The following VAMP7 variants were observed in gnomAD, a reference collection of about 807,000 sequenced individuals.
The protein encoded by VAMP7 is vesicle-associated membrane protein 7.
VAMP7 carries 14 observed loss-of-function variants against 29.6 expected under a neutral mutation model. That is an observed-to-expected ratio of 0.47 (90% CI 0.31 to 0.74). VAMP7 has a LOEUF of 0.74. Among genes scored for constraint, VAMP7 ranks in the 30% least tolerant of loss-of-function variants. The pLI is 0.05. For synonymous variants in VAMP7, 95 were observed against 88.1 expected, an observed-to-expected ratio of 1.08 and a Z score of -0.44; for missense variants, 223 against 262.4, an observed-to-expected ratio of 0.85 and a Z score of 1.04.
chrX:155,895,141 T>A (rs1002084705), intron 2 of VAMP7, among the ~76,000 whole-genome samples: 1 of 152,182 alleles, frequency 6.6e-6, no homozygotes, highest in African/African-American at 2.4e-5. Context: ...CTATGAAGAC[T>A]GGGACTTGGT....
intron 1 of VAMP7, among the ~76,000 whole-genome samples, chrX:155,883,519 C>G (rs2065828613): frequency 6.6e-6 from 1 of 152,088 alleles, no homozygotes; most frequent in African/African-American, 2.4e-5. Context: ...TGAACTCTTG[C>G]AAGAATTAAT....
chrX:155,908,566 G>C (rs1489530213), intron 5 of VAMP7, among the ~76,000 whole-genome samples: 2 of 150,374 alleles, frequency 1.3e-5, no homozygotes, highest in African/African-American at 2.5e-5. Flanking sequence ...GAGAGTGAGA[G>C]GGGGAGGGGG....
At chrX:155,885,391 G>A (rs977858396) in intron 1 of VAMP7, among the ~76,000 whole-genome samples, 1 of 152,076 alleles carries the variant, frequency 6.6e-6, no homozygotes, top group Admixed American at 6.5e-5. Context: ...ATTTATTTGG[G>A]ATGAACAGTG....
chrX:155,916,214 A>C (rs774794543), intron 5 of VAMP7, among the ~76,000 whole-genome samples: 11 of 152,190 alleles, frequency 7.2e-5, no homozygotes, highest in African/African-American at 2.6e-4. Context: ...CTTAGTAAAT[A>C]ATCCTCTATC....
chrX:155,938,659 AC>A (rs1430897070), intron 6 of VAMP7, among the ~76,000 whole-genome samples: 2 of 152,054 alleles, frequency 1.3e-5, no homozygotes, highest in African/African-American at 4.8e-5. Context: ...GATTAATAAA[AC>A]ATAGCAGGGG....
chrX:155,907,820 G>GAGGGGC (rs1337205887), intron 5 of VAMP7, among the ~76,000 whole-genome samples: 2 of 152,268 alleles, frequency 1.3e-5, no homozygotes, highest in East Asian at 3.9e-4. Context: ...CTGCTGGGCG[G>GAGGGGC]AGGGGCTCCT....
At chrX:155,920,085 G>A (rs2066373856) in intron 6 of VAMP7, among the ~76,000 whole-genome samples, 1 of 152,058 alleles carries the variant, frequency 6.6e-6, no homozygotes, top group South Asian at 2.1e-4. Flanking sequence ...CATTAAGGTA[G>A]CTTTGGTTTG....
chrX:155,920,145 G>A (rs1330759895), intron 6 of VAMP7, among the ~76,000 whole-genome samples: 1 of 152,110 alleles, frequency 6.6e-6, no homozygotes, highest in Non-Finnish European at 1.5e-5. Context: ...TTGGATTGAG[G>A]CCTATATAAT....
chrX:155,903,634 T>G (rs1190478425), intron 5 of VAMP7, among the ~76,000 whole-genome samples: 2 of 151,980 alleles, frequency 1.3e-5, no homozygotes, highest in African/African-American at 4.8e-5. Flanking sequence ...ATCAGAGAAA[T>G]GCAAATCAAA....
At chrX:155,926,950 A>G (rs1044964974) in intron 6 of VAMP7, among the ~76,000 whole-genome samples, 1 of 152,182 alleles carries the variant, frequency 6.6e-6, no homozygotes, top group Non-Finnish European at 1.5e-5. Flanking sequence ...CACAACATTT[A>G]TCCGTTAGCT....
In VAMP7 at chrX:155,942,208, A is replaced by T; in HGVS notation, c.*257A>T. 6.6e-7 allele frequency: 1 copy of T among 1,511,466 alleles called. No homozygotes were observed. The highest frequency in any genetic ancestry group is 8.9e-7 in the Non-Finnish European group (1 of 1,127,766). The allele number at this position is 1,511,466 out of a possible 1,614,324, so 93.6% of individuals were successfully genotyped here. On this transcript the variant is annotated 3_prime_UTR_variant, in exon 8 of 8. Transcript: ENST00000286448. ...CTTTTGTTTATTTCTTTGGTTTGTT[A>T]ACTAGTGTCATCTATTTAGAGAAAC...
chrX:155,922,411 C>T (rs2066409608), intron 6 of VAMP7, among the ~76,000 whole-genome samples: 2 of 151,926 alleles, frequency 1.3e-5, no homozygotes, highest in Non-Finnish European at 2.9e-5. Flanking sequence ...GAAGAATTCC[C>T]TTTAATTCCT....
chrX:155,887,346 G>A (rs1287857227), intron 1 of VAMP7, among the ~76,000 whole-genome samples: 2 of 152,022 alleles, frequency 1.3e-5, no homozygotes, highest in African/African-American at 2.4e-5. Context: ...GAGGAAAGTC[G>A]ACATTTAGAG....
intron 6 of VAMP7, among the ~76,000 whole-genome samples, chrX:155,928,592 G>A (rs752543775): frequency 1.6e-4 from 24 of 152,160 alleles, no homozygotes; most frequent in Admixed American, 1.4e-3. Flanking sequence ...TCCTCCTATA[G>A]AGACATTTGT....
chrX:155,930,666 T>TA (rs2066537019), intron 6 of VAMP7, among the ~76,000 whole-genome samples: 2 of 150,456 alleles, frequency 1.3e-5, no homozygotes, highest in African/African-American at 4.9e-5. Flanking sequence ...AAAAAAAAAT[T>TA]TTTTTTCTTT....
At chrX:155,935,698 A>G (rs762155858) in intron 6 of VAMP7, among the ~76,000 whole-genome samples, 33 of 151,240 alleles carry the variant, frequency 2.2e-4, no homozygotes, top group African/African-American at 7.8e-4. Flanking sequence ...TCTTTTCTCA[A>G]CTCGTCAAAG....
chrX:155,915,194 G>A (rs1467101398), intron 5 of VAMP7, among the ~76,000 whole-genome samples: 1 of 151,966 alleles, frequency 6.6e-6, no homozygotes, highest in Non-Finnish European at 1.5e-5. Context: ...TATTTCTGTG[G>A]GATCAGTGGT....
intron 5 of VAMP7, among the ~76,000 whole-genome samples, chrX:155,909,246 GTTACCTAAT>G (rs1215253177): frequency 6.6e-6 from 1 of 152,062 alleles, no homozygotes; most frequent in Admixed American, 6.5e-5. Context: ...TTTCATCTAA[GTTACCTAAT>G]TTATTTACAC....
chrX:155,937,879 G>A (rs1009986154), intron 6 of VAMP7, among the ~76,000 whole-genome samples: 5 of 152,018 alleles, frequency 3.3e-5, no homozygotes, highest in Admixed American at 1.3e-4. Context: ...TCAGTTTTCC[G>A]TGTATCTTAC....
Sources: gnomAD v4.1 joint callset for allele counts (sites outside exome capture counted in the v4.1 genomes callset) on GRCh38, gnomAD v4.1.1 for gene constraint, MANE v1.5 for transcripts, NCBI Gene and HGNC (gene_info 2026-07-23, HGNC 2026-07-21) for gene names.